Variants in UBTD1 observed in about 807,000 individuals in gnomAD.
UBTD1 encodes ubiquitin domain containing 1.
Under a neutral mutation model 21.7 loss-of-function variants are expected in UBTD1, and 19 were observed. That is an observed-to-expected ratio of 0.87 (90% CI 0.61 to 1.28). The LOEUF (loss-of-function observed/expected upper bound fraction) is 1.28. Among genes scored for constraint, UBTD1 ranks in the 50% most tolerant of loss-of-function variants. The probability of loss-of-function intolerance (pLI) is 0.00; values close to 1 mark genes in which losing one functional copy is unlikely to be tolerated. For synonymous variants in UBTD1, 116 were observed against 135.1 expected (o/e 0.86, Z 0.98); for missense variants, 282 against 315.1 (o/e 0.89, Z 0.80).
At chr10:97,521,703 C>T (rs1183926363) in intron 1 of UBTD1, among the ~76,000 whole-genome samples, 3 of 152,328 alleles carry the variant, frequency 2.0e-5, no homozygotes, top group Admixed American at 1.3e-4. Flanking sequence ...CCTGAAGCCC[C>T]AGCTACGGAG....
intron 1 of UBTD1, among the ~76,000 whole-genome samples, chr10:97,537,131 T>C (rs776991709): frequency 1.3e-5 from 2 of 152,058 alleles, no homozygotes; most frequent in Non-Finnish European, 2.9e-5. Context: ...GTAATTAGAA[T>C]GTCTCCCTCA....
intron 1 of UBTD1, among the ~76,000 whole-genome samples, chr10:97,560,008 G>A (rs2040685008): frequency 2.0e-5 from 3 of 151,382 alleles, no homozygotes; most frequent in Admixed American, 6.6e-5. Context: ...TAGTCTTCAG[G>A]AGGCCTTATT....
chr10:97,509,709 G>A (rs1490288740), intron 1 of UBTD1, among the ~76,000 whole-genome samples: 1 of 152,150 alleles, frequency 6.6e-6, no homozygotes, highest in Non-Finnish European at 1.5e-5. Flanking sequence ...GGAGTGCAAT[G>A]GCATGATCTC....
chr10:97,551,560 A>G (rs926875173), intron 1 of UBTD1, among the ~76,000 whole-genome samples: 1 of 152,138 alleles, frequency 6.6e-6, no homozygotes, highest in African/African-American at 2.4e-5. Context: ...CTTATCTAGG[A>G]CAGGAGATGT....
In UBTD1 at chr10:97,519,935, A is replaced by G. The variant is rs1429354788; in HGVS notation, c.70+20662A>G. ...ATGGTGCATACTATATGGGGCATCA[A>G]AAAAGACCCAAGGGCTTGGGGCTTG... On this transcript the variant is annotated intron_variant, in intron 1 of 2. Transcript: ENST00000370664. Among the ~76,000 whole-genome samples, 5 of 151,970 alleles carry G rather than the reference A, an allele frequency of 3.3e-5. No homozygotes were observed. The East Asian group carries it at 9.7e-4, about 29-fold the overall frequency.
chr10:97,520,989 TAAAG>T (rs2040464845), intron 1 of UBTD1, among the ~76,000 whole-genome samples: 1 of 152,052 alleles, frequency 6.6e-6, no homozygotes. Context: ...CAATGTTCTA[TAAAG>T]AGAGAGGACC....
At chr10:97,560,199 T>C (rs1228169724) in intron 1 of UBTD1, among the ~76,000 whole-genome samples, 1 of 152,220 alleles carries the variant, frequency 6.6e-6, no homozygotes, top group East Asian at 1.9e-4. Flanking sequence ...ACTCTTTACA[T>C]AAATTCTGCC....
In UBTD1 at chr10:97,568,026, C is replaced by A; in HGVS notation, c.183C>A (p.Phe61Leu). The change falls in exon 2 of 3, where the codon TTC becomes TTA. Residue 61 changes from phenylalanine to leucine, a missense_variant. Physicochemically the swap from Phe to Leu is conservative, Grantham distance 22. Coordinates refer to ENST00000370664, the MANE Select transcript of UBTD1 (RefSeq NM_024954.5). Reference protein sequence around the residue: ...RDEFWDTAPAFEGRKEIWDAL... With the variant: ...RDEFWDTAPALEGRKEIWDAL... ...AGTTCTGGGACACAGCGCCTGCCTT[C>A]GAGGGCCGCAAGGAGATCTGGGATG... 1 of 1,614,028 alleles carries A rather than the reference C, an allele frequency of 6.2e-7. No homozygotes were observed. Among genetic ancestry groups the A allele is most frequent in the Non-Finnish European group, 8.5e-7 (1 of 1,180,038 alleles).
At chr10:97,518,023 C>A (rs548258364) in intron 1 of UBTD1, among the ~76,000 whole-genome samples, 1 of 152,084 alleles carries the variant, frequency 6.6e-6, no homozygotes, top group Non-Finnish European at 1.5e-5. Flanking sequence ...GGGGCCGCTC[C>A]GAGAATGGTG....
intron 1 of UBTD1, among the ~76,000 whole-genome samples, chr10:97,551,570 T>G (rs1264125196): frequency 6.6e-6 from 1 of 152,120 alleles, no homozygotes; most frequent in Non-Finnish European, 1.5e-5. Context: ...ACAGGAGATG[T>G]AAGTAGAAGC....
intron 1 of UBTD1, among the ~76,000 whole-genome samples, chr10:97,533,856 G>GAGGTTACA (rs1430112808): frequency 6.6e-6 from 1 of 151,354 alleles, no homozygotes. Flanking sequence ...CTGGGAGGTC[G>GAGGTTACA]AGGTTACAGT....
intron 1 of UBTD1, among the ~76,000 whole-genome samples, chr10:97,525,774 A>C (rs1016188599): frequency 6.6e-6 from 1 of 152,234 alleles, no homozygotes; most frequent in South Asian, 2.1e-4. Context: ...GCTAGAATGT[A>C]AACTGCGGGA....
At chr10:97,510,526 C>T (rs2040419257) in intron 1 of UBTD1, among the ~76,000 whole-genome samples, 1 of 152,186 alleles carries the variant, frequency 6.6e-6, no homozygotes, top group Non-Finnish European at 1.5e-5. Flanking sequence ...AGATGAATTA[C>T]TGCACATCAG....
rs549036048 is a variant in UBTD1 at position 97,516,689 on chromosome 10, G to A, written c.70+17416G>A. Among the ~76,000 whole-genome samples, 3 of 152,228 alleles carry A rather than the reference G, an allele frequency of 2.0e-5. No individual in the cohort carries two copies. The South Asian group carries it at 6.2e-4, about 32-fold the overall frequency. ...ACTCGGGAGGCTGAAGCAGGAGAAT[G>A]GCCTGAACCCGGGAGGCAGAGGTTG... is the stretch of plus-strand genomic sequence containing the variant. On this transcript the variant is annotated intron_variant, in intron 1 of 2. Coordinates refer to ENST00000370664, the MANE Select transcript of UBTD1 (RefSeq NM_024954.5).
At chr10:97,565,067 C>T (rs2040711042) in intron 1 of UBTD1, among the ~76,000 whole-genome samples, 1 of 152,196 alleles carries the variant, frequency 6.6e-6, no homozygotes. Flanking sequence ...CTCCCTAAAA[C>T]ATATAAAACC....
chr10:97,514,810 T>C (rs2040437783), intron 1 of UBTD1, among the ~76,000 whole-genome samples: 1 of 152,172 alleles, frequency 6.6e-6, no homozygotes, highest in African/African-American at 2.4e-5. Context: ...TAGCTTGATA[T>C]GTACAACCAA....
intron 1 of UBTD1, among the ~76,000 whole-genome samples, chr10:97,518,626 T>C (rs908896503): frequency 7.9e-5 from 12 of 152,214 alleles, no homozygotes; most frequent in Non-Finnish European, 1.2e-4. Flanking sequence ...CTCAGACCCC[T>C]TGGAGCATTA....
At chr10:97,509,815 T>C (rs921018915) in intron 1 of UBTD1, among the ~76,000 whole-genome samples, 1 of 151,922 alleles carries the variant, frequency 6.6e-6, no homozygotes. Flanking sequence ...CACACTCAGC[T>C]AATTTTTTTG....
intron 1 of UBTD1, among the ~76,000 whole-genome samples, chr10:97,517,860 C>T (rs1231622355): frequency 6.6e-6 from 1 of 152,114 alleles, no homozygotes; most frequent in East Asian, 1.9e-4. Context: ...TCTGAGATCC[C>T]TGGTGGTGCT....
Sources: gnomAD v4.1 joint callset for allele counts (sites outside exome capture counted in the v4.1 genomes callset) on GRCh38, gnomAD v4.1.1 for gene constraint, MANE v1.5 for transcripts, NCBI Gene and HGNC (gene_info 2026-07-23, HGNC 2026-07-21) for gene names.